The following LIMD1 variants were observed in gnomAD, a reference collection of about 807,000 sequenced individuals.
The protein encoded by LIMD1 is LIM domain-containing protein 1.
Under a neutral mutation model 58.4 loss-of-function variants are expected in LIMD1, and 23 were observed. That is an observed-to-expected ratio of 0.39 (90% CI 0.28 to 0.56). The LOEUF (loss-of-function observed/expected upper bound fraction) is 0.56, where lower values mean the gene tolerates loss of function less well. Among genes scored for constraint, LIMD1 ranks in the 20% least tolerant of loss-of-function variants. LIMD1 has a pLI of 0.57. For synonymous variants in LIMD1, 334 were observed against 345.5 expected (o/e 0.97, Z 0.37); for missense variants, 838 against 855.5 (o/e 0.98, Z 0.25).
At chr3:45,649,969 T>A (rs1701951294) in intron 2 of LIMD1, among the ~76,000 whole-genome samples, 1 of 151,316 alleles carries the variant, frequency 6.6e-6, no homozygotes, top group Admixed American at 6.6e-5. Context: ...CATCATTGAT[T>A]TTGAGAAATT....
At chr3:45,665,313 C>G (rs1217535195) in intron 2 of LIMD1, among the ~76,000 whole-genome samples, 2 of 151,796 alleles carry the variant, frequency 1.3e-5, no homozygotes, top group Non-Finnish European at 2.9e-5. Flanking sequence ...CTTGGATGCC[C>G]CCTTGTGTTG....
chr3:45,602,684 A>T (rs1701427518), intron 1 of LIMD1, among the ~76,000 whole-genome samples: 1 of 151,032 alleles, frequency 6.6e-6, no homozygotes. Flanking sequence ...TTAAACGAGC[A>T]GTCCAAGCAA....
At chr3:45,633,593 C>A (rs1285657947) in intron 1 of LIMD1, among the ~76,000 whole-genome samples, 1 of 152,108 alleles carries the variant, frequency 6.6e-6, no homozygotes, top group Non-Finnish European at 1.5e-5. Flanking sequence ...TATGTGGGTA[C>A]CCTCTGTATA....
intron 1 of LIMD1, chr3:45,635,892 G>A (rs1701782373): frequency 1.0e-6 from 1 of 985,128 alleles, no homozygotes; most frequent in South Asian, 4.7e-5. Flanking sequence ...AGTTGACCAA[G>A]CCCAGGAATT....
intron 1 of LIMD1, among the ~76,000 whole-genome samples, chr3:45,604,015 TC>T (rs1358815042): frequency 4.6e-5 from 7 of 152,218 alleles, no homozygotes; most frequent in African/African-American, 1.7e-4. Context: ...GGATCAGCTG[TC>T]TGATTTCTGA....
At chr3:45,672,058 C>G (rs1697591540) in intron 4 of LIMD1, among the ~76,000 whole-genome samples, 1 of 152,180 alleles carries the variant, frequency 6.6e-6, no homozygotes, top group South Asian at 2.1e-4. Flanking sequence ...GGCTTTCCCT[C>G]TATTGCGTTT....
chr3:45,638,755 A>G (rs908665780), intron 2 of LIMD1, among the ~76,000 whole-genome samples: 2 of 151,800 alleles, frequency 1.3e-5, no homozygotes, highest in Non-Finnish European at 2.9e-5. Flanking sequence ...ACTAATTTAC[A>G]CTCCCACCAA....
At chr3:45,629,810 C>T (rs1701708710) in intron 1 of LIMD1, among the ~76,000 whole-genome samples, 1 of 152,134 alleles carries the variant, frequency 6.6e-6, no homozygotes, top group Admixed American at 6.5e-5. Flanking sequence ...CGGAGGAGAG[C>T]CTGTATGCTC....
At chr3:45,638,064 G>T (rs1701806660) in intron 2 of LIMD1, among the ~76,000 whole-genome samples, 1 of 82 alleles carries the variant, frequency 0.012, no homozygotes, top group South Asian at 0.5. Context: ...AGACTGTCTG[G>T]TGAGGTGCAG....
intron 1 of LIMD1, among the ~76,000 whole-genome samples, chr3:45,624,777 G>T (rs1701654540): frequency 6.6e-6 from 1 of 152,038 alleles, no homozygotes; most frequent in Non-Finnish European, 1.5e-5. Flanking sequence ...ATGCTGACTT[G>T]GTCGTCACCC....
chr3:45,664,414 A>G (rs528262504), intron 2 of LIMD1, among the ~76,000 whole-genome samples: 11 of 152,302 alleles, frequency 7.2e-5, no homozygotes, highest in African/African-American at 2.6e-4. Context: ...GTATTGCCAA[A>G]GCTTCCCCTC....
Position 45,677,216 on chromosome 3 carries a change from G to T in LIMD1, c.*157G>T. On this transcript the variant is annotated 3_prime_UTR_variant, in exon 8 of 8. Coordinates refer to ENST00000273317, the MANE Select transcript of LIMD1 (RefSeq NM_014240.3). Reference sequence around the variant, plus strand: ...GGGGGGTGCCTTTCCTTTAACCAGGGAGGTGAACACTACCTGCCTCCTGCG... The same window carrying T: ...GGGGGGTGCCTTTCCTTTAACCAGGTAGGTGAACACTACCTGCCTCCTGCG... 5.5e-6 allele frequency: 4 copies of T among 722,354 alleles called. No homozygotes were observed. The highest frequency in any genetic ancestry group is 1.8e-5 in the South Asian group (1 of 54,746). The allele number at this position is 722,354 out of a possible 1,614,324, so 44.7% of individuals were successfully genotyped here.
chr3:45,635,208 A>T (rs1430740986), intron 1 of LIMD1, among the ~76,000 whole-genome samples: 1 of 152,138 alleles, frequency 6.6e-6, no homozygotes, highest in Non-Finnish European at 1.5e-5. Context: ...ACTGCACTCC[A>T]GCCCAGGTGA....
chr3:45,635,686 C>T, intron 1 of LIMD1, among the ~76,000 whole-genome samples: 1 of 125,478 alleles, frequency 8.0e-6, no homozygotes, highest in African/African-American at 3.1e-5. Flanking sequence ...TTGCTTGAGC[C>T]TAGGAGTTCA....
At position 45,684,255 on chromosome 3, in the gene LIMD1, A is replaced by G. The variant is rs1027537736; in HGVS notation, c.*7196A>G. The G allele has an allele frequency of 2.6e-5, 4 of 152,234 alleles. No individual in the cohort carries two copies. The highest frequency in any genetic ancestry group is 9.6e-5 in the African/African-American group (4 of 41,466). The allele number at this position is 152,234 out of a possible 1,614,324, so 9.4% of individuals were successfully genotyped here. A position where few individuals can be genotyped will look rare whatever the true frequency, so the allele number is the denominator to read the frequency against. On this transcript the variant is annotated 3_prime_UTR_variant, in exon 8 of 8. Coordinates refer to ENST00000273317, the MANE Select transcript of LIMD1 (RefSeq NM_014240.3). Reference sequence around the variant, plus strand: ...CACTTGGTCACATACATGTCCCTCCAACTAATCCTAGCTCTCAAGGACAGG... The same window carrying G: ...CACTTGGTCACATACATGTCCCTCCGACTAATCCTAGCTCTCAAGGACAGG...
At chr3:45,674,482 G>T in intron 7 of LIMD1, 71 bp downstream of exon 7, 1 of 1,194,318 alleles carries the variant, frequency 8.4e-7, no homozygotes, top group East Asian at 2.4e-5. Context: ...TGCGTTGACT[G>T]GGGCAAGAGG....
At chr3:45,630,796 G>A (rs1333801394) in intron 1 of LIMD1, among the ~76,000 whole-genome samples, 1 of 152,112 alleles carries the variant, frequency 6.6e-6, no homozygotes, top group African/African-American at 2.4e-5. Flanking sequence ...TTGGAACTGG[G>A]GCTCAGATTC....
chr3:45,630,717 G>C (rs79542992), intron 1 of LIMD1, among the ~76,000 whole-genome samples: 2 of 151,890 alleles, frequency 1.3e-5, no homozygotes, highest in Admixed American at 6.6e-5. Context: ...ATGATGGGGG[G>C]GGTTGGGGGG....
At chr3:45,657,016 G>C (rs1697338142) in intron 2 of LIMD1, among the ~76,000 whole-genome samples, 1 of 152,142 alleles carries the variant, frequency 6.6e-6, no homozygotes, top group Non-Finnish European at 1.5e-5. Context: ...TCTGGATCCT[G>C]CTCTTGATTG....
Sources: allele counts gnomAD v4.1 joint callset (sites outside exome capture counted in the v4.1 genomes callset), GRCh38; gene constraint gnomAD v4.1.1; transcripts MANE v1.5; gene names NCBI Gene and HGNC (gene_info 2026-07-23, HGNC 2026-07-21).